CLSPN: variants seen among roughly 807,000 people sequenced by gnomAD.
CLSPN encodes the protein claspin, also known as claspin homolog.
In CLSPN, 85 loss-of-function variants were observed where a neutral mutation model predicts 156.3. That is an observed-to-expected ratio of 0.54 (90% confidence interval 0.46 to 0.65). The LOEUF is 0.65. Ranked by LOEUF, CLSPN falls within the 30% of genes least tolerant of loss-of-function variation. The pLI, the probability that CLSPN is intolerant of heterozygous loss-of-function variation, is 0.00. For synonymous variants in CLSPN, 534 were observed against 542.4 expected (o/e 0.98, Z 0.22); for missense variants, 1,407 against 1,554.9 (o/e 0.90, Z 1.60).
chr1:35,727,527 A>G (rs1261066434), downstream of CLSPN, among the ~76,000 whole-genome samples: 2 of 152,170 alleles, frequency 1.3e-5, no homozygotes, highest in Non-Finnish European at 2.9e-5. Flanking sequence ...ACCATAACTC[A>G]TCAAATATTT....
chr1:35,756,334 G>C (rs1040642255), intron 8 of CLSPN, among the ~76,000 whole-genome samples: 3 of 152,178 alleles, frequency 2.0e-5, no homozygotes, highest in African/African-American at 7.2e-5. Flanking sequence ...TGGGTGGGAA[G>C]ATTACCTGGG....
intron 15 of CLSPN, 78 bp from the exon 16 acceptor site, chr1:35,745,640 C>T: frequency 2.0e-6 from 2 of 993,944 alleles, no homozygotes; most frequent in Non-Finnish European, 3.1e-6. Flanking sequence ...TAAAGTCATG[C>T]CAGCTCGATA....
At chr1:35,751,657 T>A in intron 9 of CLSPN, 151 bp from the exon 10 acceptor site, 1 of 984,736 alleles carries the variant, frequency 1.0e-6, no homozygotes, top group Non-Finnish European at 1.4e-6. Flanking sequence ...ACAAGAGTAT[T>A]ATTATGAATT....
At chr1:35,737,753 T>G (rs1016597937) in intron 22 of CLSPN, 9 of 451,986 alleles carry the variant, frequency 2.0e-5, no homozygotes, top group Non-Finnish European at 3.5e-5. Context: ...AATTAACTAC[T>G]CTGAGCCTTA....
chr1:35,726,166 A>AAAAAAAAAAAAAAT, intron 24 of CLSPN, among the ~76,000 whole-genome samples: 1 of 149,998 alleles, frequency 6.7e-6, no homozygotes, highest in Non-Finnish European at 1.5e-5. Context: ...AAAAAAAAAA[A>AAAAAAAAAAAAAAT]AAAAAAAAAG....
rs1266631609 is a variant in CLSPN at position 35,734,687 on chromosome 1, AAAAGAAAAG to A, written c.*1800_*1808del. ...AGCCAGCCTATGTCTCAAAAAAAAA[AAAAGAAAAG>A]AAAAGAAAAGAAAAAGAAAAAGAAA... is the stretch of plus-strand genomic sequence containing the variant. On this transcript the variant is annotated 3_prime_UTR_variant, in exon 25 of 25. Transcript: ENST00000318121. 1.1e-5 allele frequency: 10 copies of A among 914,046 alleles called. No homozygotes were observed. Among genetic ancestry groups the A allele is most frequent in the Middle Eastern group, 5.6e-4 (1 of 1,796 alleles). The allele number at this position is 914,046 out of a possible 1,614,324, so 56.6% of individuals were successfully genotyped here. A position where few individuals can be genotyped will look rare whatever the true frequency, so the allele number is the denominator to read the frequency against.
At position 35,746,286 on chromosome 1, in the gene CLSPN, A is replaced by C. The variant is rs1048408067; in HGVS notation, c.2854+480T>G. Among the ~76,000 whole-genome samples the C allele has an allele frequency of 1.3e-5, 2 of 152,234 alleles. No individual in the cohort carries two copies. Among genetic ancestry groups the C allele is most frequent in the African/African-American group, 2.4e-5 (1 of 41,468 alleles). On this transcript the variant is annotated intron_variant, in intron 15 of 24. Transcript: ENST00000318121. The surrounding 1 kb of genome is among the most constrained non-coding windows in gnomAD (Gnocchi z 4.2). Reference sequence around the variant, plus strand: ...TGATACTTTACCACTCTAAGAAAGTAAGAGTTCTAAATATCAGGGCACTAA... The same window carrying C: ...TGATACTTTACCACTCTAAGAAAGTCAGAGTTCTAAATATCAGGGCACTAA...
intron 24 of CLSPN, among the ~76,000 whole-genome samples, chr1:35,722,256 T>TC (rs1641090819): frequency 6.9e-6 from 1 of 145,266 alleles, no homozygotes; most frequent in Non-Finnish European, 1.5e-5. Context: ...GTTATTCCTT[T>TC]TTTTTTTTTT....
chr1:35,746,937 G>A lies in CLSPN; in HGVS notation c.2683C>T (p.Pro895Ser). The change falls in exon 15 of 25, where the codon CCA becomes TCA. Residue 895 changes from proline to serine, a missense_variant. Coordinates refer to ENST00000318121, the MANE Select transcript of CLSPN (RefSeq NM_022111.4). This position sits in a 1 kb window ranked among gnomAD's most constrained non-coding sequence, Gnocchi z 4.2. The part of the protein sequence containing the change: ...NQYQALKPRL[P>S]LASMDENAMD... ...GCATTCTCATCCATACTGGCCAATG[G>A]CAATCGAGGCTTCAAAGCTTGGTAC... 1 of 1,614,098 alleles carries A rather than the reference G, an allele frequency of 6.2e-7. No homozygotes were observed. The highest frequency in any genetic ancestry group is 8.5e-7 in the Non-Finnish European group (1 of 1,180,010).
In CLSPN at chr1:35,763,192, C is replaced by T; in HGVS notation, c.712G>A (p.Ala238Thr). 1 of 1,597,224 alleles carries T rather than the reference C, an allele frequency of 6.3e-7. No individual in the cohort carries two copies. The highest frequency in any genetic ancestry group is 1.4e-5 in the African/African-American group (1 of 73,872). ...EDEESLESIR[A>T]AVKNKVKKHK... ...TTTTTTACTTTGTTTTTTACAGCTGCTCTTATTGATTCTAATGACTCTTCA... is the reference window on the plus strand; with the variant it reads ...TTTTTTACTTTGTTTTTTACAGCTGTTCTTATTGATTCTAATGACTCTTCA... Residue 238 changes from alanine (A) to threonine (T), a missense_variant, in exon 4 of 25, where the codon GCA (alanine) becomes ACA (threonine). Coordinates refer to ENST00000318121, the MANE Select transcript of CLSPN (RefSeq NM_022111.4).
intron 24 of CLSPN, among the ~76,000 whole-genome samples, chr1:35,726,513 T>C (rs1641194675): frequency 6.6e-6 from 1 of 152,116 alleles, no homozygotes; most frequent in African/African-American, 2.4e-5. Context: ...AGTCAAATTG[T>C]GACAAAAGGA....
intron 13 of CLSPN, among the ~76,000 whole-genome samples, 167 bp from the exon 14 acceptor site, chr1:35,748,228 G>T (rs1171500179): frequency 1.3e-5 from 2 of 152,194 alleles, no homozygotes; most frequent in African/African-American, 4.8e-5. Flanking sequence ...ATACCTCCAA[G>T]AAAGTAAGAA....
At chr1:35,769,457 C>G (rs1490457107) in intron 1 of CLSPN, among the ~76,000 whole-genome samples, 1 of 152,228 alleles carries the variant, frequency 6.6e-6, no homozygotes, top group East Asian at 1.9e-4. Flanking sequence ...AGAATCCCCC[C>G]GCACCGCTGC....
In CLSPN at chr1:35,761,188, A is replaced by G. The variant is rs1403926677; in HGVS notation, c.912T>C (p.Leu304=). The change falls in exon 7 of 25, where the codon CTT becomes CTC. Residue 304 remains leucine, a synonymous_variant. Coordinates refer to ENST00000318121, the MANE Select transcript of CLSPN (RefSeq NM_022111.4). ...QRLIRESALN[L]PYHMPENKTI... ...TTTTATTCTCAGGCATATGATATGG[A>G]AGGTTCAGTGCAGACTCTATAAAAT... 16 of 1,610,280 alleles carry G rather than the reference A, an allele frequency of 9.9e-6. No homozygotes were observed. Among genetic ancestry groups the G allele is most frequent in the Non-Finnish European group, 1.3e-5 (15 of 1,176,436 alleles).
Position 35,732,295 on chromosome 1 carries a change from C to T in CLSPN, c.*4201G>A. On this transcript the variant is annotated 3_prime_UTR_variant, in exon 25 of 25. Transcript: ENST00000318121. ...CTCCTCTATCCTTAGGAGCACAAAT[C>T]CCAGGACAGGATGCCACAAGAGTGA... 1 of 985,346 alleles carries T rather than the reference C, an allele frequency of 1.0e-6. No homozygotes were observed. Among genetic ancestry groups the T allele is most frequent in the Non-Finnish European group, 1.2e-6 (1 of 829,916 alleles). The allele number at this position is 985,346 out of a possible 1,614,324, so 61.0% of individuals were successfully genotyped here.
intron 1 of CLSPN, 64 bp downstream of exon 1, chr1:35,769,782 GC>G: frequency 6.7e-7 from 1 of 1,497,646 alleles, no homozygotes. Context: ...GTCTACCCCG[GC>G]CCCACCTAAC....
At position 35,765,262 on chromosome 1, in the gene CLSPN, C is replaced by G. The variant is rs540853783; in HGVS notation, c.89G>C (p.Ser30Thr). 27 of 1,613,976 alleles carry G rather than the reference C, an allele frequency of 1.7e-5. No individual in the cohort carries two copies. In the African/African-American group the frequency reaches 3.3e-4, roughly 20 times the overall value. ...AATTGTTTCATAGCTGCCCTGTCCA[C>G]TATCTGAAGGACTATCTGCTTCCTC... ...SQEEADSPSD[S>T]GQGSYETIGP... Residue 30 changes from serine (S) to threonine (T), a missense_variant, in exon 2 of 25, where the codon AGT (serine) becomes ACT (threonine). Transcript: ENST00000318121.
At position 35,734,348 on chromosome 1, in the gene CLSPN, T is replaced by C. The variant is rs149902726; in HGVS notation, c.*2148A>G. On this transcript the variant is annotated 3_prime_UTR_variant, in exon 25 of 25. Transcript: ENST00000318121. ...TTATAAGATTACAAGTATACAAACA[T>C]AAGTATTGTCAAAGTCAACATCTTG... is the stretch of plus-strand genomic sequence containing the variant. 8 of 985,352 alleles carry C rather than the reference T, an allele frequency of 8.1e-6. No homozygotes were observed. The African/African-American group carries it at 8.7e-5, about 11-fold the overall frequency. The allele number at this position is 985,352 out of a possible 1,614,324, so 61.0% of individuals were successfully genotyped here.
At position 35,753,822 on chromosome 1, in the gene CLSPN, T is replaced by C. The variant is rs768659267; in HGVS notation, c.1694A>G (p.Lys565Arg). The C allele has an allele frequency of 2.5e-6, 4 of 1,614,106 alleles. No homozygotes were observed. The highest frequency in any genetic ancestry group is 4.5e-5 in the East Asian group (2 of 44,908). ...VIVKDMGTDG[K>R]EELKADVVPV... Reference sequence around the variant, plus strand: ...TACCACATCTGCTTTTAGCTCTTCCTTTCCATCAGTGCCCATGTCTTTCAC... The same window carrying C: ...TACCACATCTGCTTTTAGCTCTTCCCTTCCATCAGTGCCCATGTCTTTCAC... Residue 565 changes from lysine to arginine, a missense_variant, in exon 9 of 25, where the codon AAG becomes AGG. Around this residue, in one of 3 missense-constraint regions of CLSPN, gnomAD observed 1,096 missense variants for 1,193.0 expected, o/e 0.92. Transcript: ENST00000318121.
Sources: gnomAD v4.1 joint callset for allele counts (sites outside exome capture counted in the v4.1 genomes callset) on GRCh38, gnomAD v4.1.1 for gene constraint, gnomAD v4.1.1 regional missense constraint, Gnocchi (gnomAD v3.1) non-coding constraint, MANE v1.5 for transcripts, NCBI Gene and HGNC (gene_info 2026-07-23, HGNC 2026-07-21) for gene names.